CELF4: variants seen among roughly 807,000 people sequenced by gnomAD.
The protein encoded by CELF4 is CUGBP Elav-like family member 4.
CELF4 carries 18 observed loss-of-function variants against 59.9 expected under a neutral mutation model. The observed-to-expected ratio is 0.30, with a 90% CI of 0.21 to 0.45. The LOEUF is 0.45. CELF4 is among the 20% of genes least tolerant of loss of function. The pLI is 1.00. For synonymous variants in CELF4, 261 were observed against 267.1 expected, an observed-to-expected ratio of 0.98 and a Z score of 0.22; for missense variants, 456 against 689.0, an observed-to-expected ratio of 0.66 and a Z score of 3.79.
At chr18:37,360,466 G>A (rs1021596335) in intron 2 of CELF4, among the ~76,000 whole-genome samples, 3 of 152,208 alleles carry the variant, frequency 2.0e-5, no homozygotes, top group African/African-American at 7.2e-5. Flanking sequence ...TTAATAACAC[G>A]AGTGAGCACT....
At chr18:37,539,791 T>A (rs762430998) in intron 1 of CELF4, among the ~76,000 whole-genome samples, 6 of 151,244 alleles carry the variant, frequency 4.0e-5, no homozygotes, top group Non-Finnish European at 8.8e-5. Context: ...ATTTTTAAAT[T>A]ACATTGGAAT....
chr18:37,467,696 C>T (rs978832440), intron 2 of CELF4, among the ~76,000 whole-genome samples: 1 of 152,202 alleles, frequency 6.6e-6, no homozygotes, highest in Non-Finnish European at 1.5e-5. Context: ...AGAGTTCAGA[C>T]AGATGCTGTG....
At chr18:37,502,920 C>T (rs1173354160) in intron 1 of CELF4, among the ~76,000 whole-genome samples, 1 of 152,366 alleles carries the variant, frequency 6.6e-6, no homozygotes, top group East Asian at 1.9e-4. Context: ...ATCTGCTTTC[C>T]TTGCTTCCTA....
chr18:37,479,354 G>A (rs1224255491), intron 2 of CELF4, among the ~76,000 whole-genome samples: 2 of 152,198 alleles, frequency 1.3e-5, no homozygotes, highest in Non-Finnish European at 2.9e-5. Flanking sequence ...CCCTAGGCCC[G>A]GGATGGGGTT....
chr18:37,414,484 AT>A (rs367611596), intron 2 of CELF4, among the ~76,000 whole-genome samples: 19 of 124,252 alleles, frequency 1.5e-4, no homozygotes, highest in South Asian at 6.1e-4. Flanking sequence ...CCATCTACTC[AT>A]TTTTTTTCTT....
chr18:37,275,213 T>C lies in CELF4; in HGVS notation c.479A>G (p.Asn160Ser). Reference protein sequence around the residue: ...QDRKLFVGMLNKQQSEDDVRR... With the variant: ...QDRKLFVGMLSKQQSEDDVRR... ...CACGTCGTCCTCGGACTGTTGCTTG[T>C]TGAGCATGCCCACGAAGAGTTTTCT... Residue 160 changes from asparagine (N) to serine (S), a missense_variant, in exon 4 of 13, where the codon AAC becomes AGC. Physicochemically the swap from Asn to Ser is conservative, Grantham distance 46. This residue lies in a region of CELF4 where 1 missense variants were observed against 18.6 expected (regional missense o/e 0.05). Coordinates refer to ENST00000420428, the MANE Select transcript of CELF4 (RefSeq NM_020180.4). 1 of 1,613,558 alleles carries C rather than the reference T, an allele frequency of 6.2e-7. No homozygotes were observed. Among genetic ancestry groups the C allele is most frequent in the Non-Finnish European group, 8.5e-7 (1 of 1,179,838 alleles).
At chr18:37,542,019 C>T (rs2154605487) in intron 1 of CELF4, among the ~76,000 whole-genome samples, 1 of 152,248 alleles carries the variant, frequency 6.6e-6, no homozygotes, top group African/African-American at 2.4e-5. Context: ...ATCGTTGTGA[C>T]TCCAGCAGTG....
intron 3 of CELF4, among the ~76,000 whole-genome samples, chr18:37,311,668 A>G (rs1279402972): frequency 1.3e-5 from 2 of 151,884 alleles, no homozygotes; most frequent in Non-Finnish European, 2.9e-5. Flanking sequence ...ACGCGCCTAT[A>G]ATCCCAGCTA....
intron 3 of CELF4, among the ~76,000 whole-genome samples, chr18:37,278,947 G>A (rs750320983): frequency 2.6e-5 from 4 of 152,170 alleles, no homozygotes; most frequent in Non-Finnish European, 5.9e-5. Context: ...CATAACCAAC[G>A]GTACCATTTG....
intron 10 of CELF4, among the ~76,000 whole-genome samples, chr18:37,261,673 C>T (rs939659656): frequency 5.3e-5 from 8 of 152,234 alleles, no homozygotes; most frequent in African/African-American, 1.4e-4. Context: ...AATGGTGAAG[C>T]GGAGCTGCAG....
intron 2 of CELF4, among the ~76,000 whole-genome samples, chr18:37,483,375 C>T (rs1009540679): frequency 6.6e-6 from 1 of 152,122 alleles, no homozygotes; most frequent in Non-Finnish European, 1.5e-5. Context: ...CTCTGGTGGG[C>T]GTGCCTGCCC....
intron 1 of CELF4, among the ~76,000 whole-genome samples, chr18:37,500,880 C>G (rs1305835165): frequency 1.3e-5 from 2 of 152,270 alleles, no homozygotes; most frequent in African/African-American, 4.8e-5. Flanking sequence ...GAATGTACCC[C>G]AGCCCCACTG....
rs998806908 is a variant in CELF4 at position 37,243,900 on chromosome 18, C to T, written c.*1342G>A. The T allele has an allele frequency of 1.6e-5, 3 of 185,760 alleles. No individual in the cohort carries two copies. Among genetic ancestry groups the T allele is most frequent in the South Asian group, 3.4e-4 (2 of 5,960 alleles). 11.5% of individuals were successfully genotyped at this position (185,760 alleles called of 1,614,324 possible). On this transcript the variant is annotated 3_prime_UTR_variant, in exon 13 of 13. Transcript: ENST00000420428. ...GCAGCTCCCAGAGGGAAGCGAGAGG[C>T]GAGGATGACGGCGGCGGCGGCGGCG...
rs2097134620 is a variant in CELF4 at position 37,321,855 on chromosome 18, A to T, written c.396T>A (p.Pro132=). The T allele has an allele frequency of 6.2e-7, 1 of 1,613,332 alleles. No homozygotes were observed. The highest frequency in any genetic ancestry group is 8.5e-7 in the Non-Finnish European group (1 of 1,179,668). Residue 132 remains proline, a synonymous_variant, in exon 3 of 13, where the codon CCT becomes CCA. Transcript: ENST00000420428. ...TACCTCCTCGGCTCTCGCTGTCCGC[A>T]GGCTTCACCTGGATCGGCCGGTTCA... ...PGMNRPIQVK[P]ADSESRGGSS...
At position 37,245,659 on chromosome 18, in the gene CELF4, C is replaced by T. The variant is rs1427649663; in HGVS notation, c.*45-462G>A. ...CCCAGCTCAAGGGAAAGAAGGAAGA[C>T]ACATCCGTGACTCAAATTTTGTAGA... On this transcript the variant is annotated intron_variant, in intron 12 of 12. Transcript: ENST00000420428. This position sits in a 1 kb window ranked among gnomAD's most constrained non-coding sequence, Gnocchi z 4.1. Among the ~76,000 whole-genome samples the T allele has an allele frequency of 3.9e-5, 6 of 152,150 alleles. No individual in the cohort carries two copies. The South Asian group carries it at 6.2e-4, about 16-fold the overall frequency.
chr18:37,466,483 G>C (rs1281263663), intron 2 of CELF4, among the ~76,000 whole-genome samples: 1 of 152,164 alleles, frequency 6.6e-6, no homozygotes, highest in African/African-American at 2.4e-5. Context: ...AGCCTGACCA[G>C]AGCCCATTCT....
chr18:37,470,297 T>A (rs1487568832), intron 2 of CELF4, among the ~76,000 whole-genome samples: 1 of 152,204 alleles, frequency 6.6e-6, no homozygotes, highest in Non-Finnish European at 1.5e-5. Context: ...CTGTGTCACT[T>A]CATCACTGTG....
intron 2 of CELF4, among the ~76,000 whole-genome samples, chr18:37,343,241 G>A (rs1464087255): frequency 6.6e-6 from 1 of 152,154 alleles, no homozygotes; most frequent in African/African-American, 2.4e-5. Flanking sequence ...GAATGACTGC[G>A]TCTGTGTCCC....
chr18:37,514,005 G>A (rs2099947709), intron 1 of CELF4, among the ~76,000 whole-genome samples: 2 of 151,146 alleles, frequency 1.3e-5, no homozygotes, highest in Admixed American at 1.3e-4. Flanking sequence ...CAGAGGTGTG[G>A]GATGGTGACT....
Sources: allele counts gnomAD v4.1 joint callset (sites outside exome capture counted in the v4.1 genomes callset), GRCh38; gene constraint gnomAD v4.1.1; regional missense constraint gnomAD v4.1.1; non-coding constraint Gnocchi (gnomAD v3.1); transcripts MANE v1.5; gene names NCBI Gene and HGNC (gene_info 2026-07-23, HGNC 2026-07-21).